MAGI1: variants seen among roughly 807,000 people sequenced by gnomAD.
The protein encoded by MAGI1 is membrane associated guanylate kinase, WW and PDZ domain containing 1.
MAGI1 carries 58 observed loss-of-function variants against 139.9 expected under a neutral mutation model. That is an observed-to-expected ratio of 0.41 (90% CI 0.34 to 0.52). The LOEUF is 0.52. Ranked by LOEUF, MAGI1 falls within the 20% of genes least tolerant of loss-of-function variation. The pLI, the probability that MAGI1 is intolerant of heterozygous loss-of-function variation, is 0.12. For missense variants in MAGI1, 1,874 were observed against 1,901.6 expected (o/e 0.99, Z 0.27); for synonymous variants, 812 against 737.9 (o/e 1.10, Z -1.63).
intron 1 of MAGI1, among the ~76,000 whole-genome samples, chr3:66,018,950 A>G (rs994303616): frequency 1.3e-5 from 2 of 150,864 alleles, no homozygotes; most frequent in African/African-American, 4.8e-5. Flanking sequence ...TCCCTGAGCC[A>G]TATCCAATTG....
In MAGI1 at chr3:65,430,840, T is replaced by G. The variant is rs1232221217; in HGVS notation, c.1405A>C (p.Lys469Gln). The change falls in exon 11 of 23, where the codon AAG becomes CAG. Residue 469 changes from lysine (K) to glutamine (Q), a missense_variant. Lys to Gln is a moderately conservative substitution (Grantham distance 53). This residue lies in a region of MAGI1 where 648 missense variants were observed against 598.1 expected (regional missense o/e 1.08). Transcript: ENST00000402939. ...FTRNPSELKG[K>Q]FIHTKLRKSS... Reference sequence around the variant, plus strand: ...TTCCGCAGCTTTGTGTGAATGAACTTGCCTTTCAACTCAGAAGGGTTTCGT... The same window carrying G: ...TTCCGCAGCTTTGTGTGAATGAACTGGCCTTTCAACTCAGAAGGGTTTCGT... The G allele has an allele frequency of 9.9e-6, 16 of 1,613,344 alleles. No individual in the cohort carries two copies. The highest frequency in any genetic ancestry group is 1.4e-5 in the Non-Finnish European group (16 of 1,179,742).
intron 13 of MAGI1, 23 bp from the exon 14 acceptor site, chr3:65,391,381 G>A (rs1048390225): frequency 6.3e-7 from 1 of 1,593,958 alleles, no homozygotes; most frequent in Non-Finnish European, 8.6e-7. Context: ...AAGTGAGAGG[G>A]GCAAGAAGAA....
chr3:65,483,606 G>A (rs1375711007), intron 3 of MAGI1, among the ~76,000 whole-genome samples: 1 of 152,234 alleles, frequency 6.6e-6, no homozygotes, highest in Non-Finnish European at 1.5e-5. Context: ...GTGTCTAGGA[G>A]CCGTGAGGCT....
chr3:65,995,468 G>A (rs970656386), intron 1 of MAGI1, among the ~76,000 whole-genome samples: 1 of 152,010 alleles, frequency 6.6e-6, no homozygotes, highest in Admixed American at 6.6e-5. Flanking sequence ...AAAGAGTAGA[G>A]GTGATACAGA....
rs61742800 is a variant in MAGI1, at chr3:65,493,517, T to C, written c.545A>G (p.Tyr182Cys). 3.7e-6 allele frequency: 6 copies of C among 1,614,166 alleles called. No individual in the cohort carries two copies. The highest frequency in any genetic ancestry group is 4.2e-6 in the Non-Finnish European group (5 of 1,180,024). Residue 182 changes from tyrosine (Y) to cysteine (C), a missense_variant, in exon 3 of 23, where the codon TAT becomes TGT. This residue lies in a region of MAGI1 where 648 missense variants were observed against 598.1 expected (regional missense o/e 1.08). Coordinates refer to ENST00000402939, the MANE Select transcript of MAGI1 (RefSeq NM_001033057.2). ...CTGTCGTACAAGTAACTCACCTTCA[T>C]AGGTGCCGACTTCCAGAAGAGTCCC... ...QSGTLLEVGT[Y>C]EGNYYGTPKP... is the part of the protein sequence containing the mutation.
At position 65,572,417 on chromosome 3, in the gene MAGI1, T is replaced by C. The variant is rs1364335588; in HGVS notation, c.430+49555A>G. On this transcript the variant is annotated intron_variant, in intron 2 of 22. Coordinates refer to ENST00000402939, the MANE Select transcript of MAGI1 (RefSeq NM_001033057.2). Reference sequence around the variant, plus strand: ...AGAAAGCCAGCCAATGTTTCCAGAGTGCATTCTATTGCATTGCACAAAATG... The same window carrying C: ...AGAAAGCCAGCCAATGTTTCCAGAGCGCATTCTATTGCATTGCACAAAATG... Among the ~76,000 whole-genome samples, 5 of 151,976 alleles carry C rather than the reference T, an allele frequency of 3.3e-5. No homozygotes were observed. The East Asian group carries it at 9.7e-4, about 29-fold the overall frequency.
intron 4 of MAGI1, among the ~76,000 whole-genome samples, chr3:65,475,092 C>A (rs1287832903): frequency 2.0e-5 from 3 of 151,506 alleles, no homozygotes; most frequent in Non-Finnish European, 4.4e-5. Context: ...TTAAGAATAT[C>A]AGGGATTATT....
chr3:66,025,723 T>C (rs1215351998), intron 1 of MAGI1, among the ~76,000 whole-genome samples: 1 of 152,196 alleles, frequency 6.6e-6, no homozygotes, highest in Non-Finnish European at 1.5e-5. Flanking sequence ...TGTGTGTGTA[T>C]GTGTACGTCT....
intron 1 of MAGI1, among the ~76,000 whole-genome samples, chr3:65,975,389 C>T (rs1005906676): frequency 2.0e-5 from 3 of 152,086 alleles, no homozygotes; most frequent in East Asian, 1.9e-4. Context: ...CTGGGGTCTT[C>T]GACATTTTAT....
chr3:65,677,087 C>T (rs191354764), intron 1 of MAGI1, among the ~76,000 whole-genome samples: 223 of 152,180 alleles, frequency 1.5e-3, no homozygotes, highest in African/African-American at 4.8e-3. Context: ...AAGAGATAAA[C>T]AATTCAGGGT....
chr3:65,726,161 T>C (rs577161299), intron 1 of MAGI1, among the ~76,000 whole-genome samples: 1 of 152,348 alleles, frequency 6.6e-6, no homozygotes, highest in East Asian at 1.9e-4. Flanking sequence ...CAGTATAAAA[T>C]AGACACAGTC....
chr3:66,007,632 T>G lies in MAGI1; in HGVS notation c.313+30364A>C, dbSNP rs543310620. 1.3e-4 allele frequency among the ~76,000 whole-genome samples: 20 copies of G among 152,330 alleles called. No homozygotes were observed. In the South Asian group the frequency reaches 1.7e-3, roughly 13 times the overall value. On this transcript the variant is annotated intron_variant, in intron 1 of 22. Coordinates refer to ENST00000402939, the MANE Select transcript of MAGI1 (RefSeq NM_001033057.2). ...TTGTCAGTAGGTCTGTTGCTGATGC[T>G]TCCGAGGAAACATTTCAGGACCATT...
intron 1 of MAGI1, among the ~76,000 whole-genome samples, chr3:65,787,944 G>A (rs1036134029): frequency 6.6e-6 from 1 of 152,186 alleles, no homozygotes; most frequent in Non-Finnish European, 1.5e-5. Flanking sequence ...AAGTAAGCAT[G>A]AGCCAATCAA....
chr3:65,545,862 G>A (rs1370525201), intron 2 of MAGI1, among the ~76,000 whole-genome samples: 5 of 151,914 alleles, frequency 3.3e-5, no homozygotes, highest in Admixed American at 1.3e-4. Context: ...TGTAGTAAAC[G>A]GGTCACAGAA....
intron 1 of MAGI1, among the ~76,000 whole-genome samples, chr3:65,953,844 T>G (rs2063982124): frequency 6.6e-6 from 1 of 152,198 alleles, no homozygotes; most frequent in South Asian, 2.1e-4. Context: ...AAAGGCAATG[T>G]TCGTTAGGTA....
chr3:65,980,751 T>C (rs2065531430), intron 1 of MAGI1, among the ~76,000 whole-genome samples: 1 of 152,198 alleles, frequency 6.6e-6, no homozygotes, highest in African/African-American at 2.4e-5. Flanking sequence ...CGCTTATTAG[T>C]GCAAGCACAG....
intron 12 of MAGI1, among the ~76,000 whole-genome samples, chr3:65,421,310 G>A (rs1280904908): frequency 5.3e-5 from 8 of 152,180 alleles, no homozygotes; most frequent in Admixed American, 3.9e-4. Context: ...TTAGCATGGT[G>A]GAAGTGCTAG....
intron 1 of MAGI1, among the ~76,000 whole-genome samples, chr3:65,672,375 C>G (rs928276342): frequency 6.6e-6 from 1 of 152,110 alleles, no homozygotes; most frequent in Non-Finnish European, 1.5e-5. Context: ...AATTAAGCTC[C>G]AAAGGAGAAA....
intron 1 of MAGI1, among the ~76,000 whole-genome samples, chr3:65,644,745 C>A (rs1189623230): frequency 1.3e-5 from 2 of 152,080 alleles, no homozygotes; most frequent in Non-Finnish European, 2.9e-5. Context: ...CGCCTGTAAT[C>A]CCAGCACTTT....
Sources: gnomAD v4.1 joint callset for allele counts (sites outside exome capture counted in the v4.1 genomes callset) on GRCh38, gnomAD v4.1.1 for gene constraint, gnomAD v4.1.1 regional missense constraint, MANE v1.5 for transcripts, NCBI Gene and HGNC (gene_info 2026-07-23, HGNC 2026-07-21) for gene names.